The following MAPKAP1 variants were observed in gnomAD, a reference collection of about 807,000 sequenced individuals.
The protein encoded by MAPKAP1 is target of rapamycin complex 2 subunit MAPKAP1.
MAPKAP1 carries 20 observed loss-of-function variants against 65.7 expected under a neutral mutation model. That is an observed-to-expected ratio of 0.30 (90% CI 0.21 to 0.44). The LOEUF (loss-of-function observed/expected upper bound fraction) is 0.44. MAPKAP1 is among the 20% of genes least tolerant of loss of function. The pLI is 1.00. For missense variants in MAPKAP1, 423 were observed against 648.0 expected, an observed-to-expected ratio of 0.65 and a Z score of 3.77; for synonymous variants, 222 against 244.3, an observed-to-expected ratio of 0.91 and a Z score of 0.85.
chr9:125,522,429 T>A (rs1215476103), intron 7 of MAPKAP1, among the ~76,000 whole-genome samples: 1 of 152,260 alleles, frequency 6.6e-6, no homozygotes, highest in East Asian at 1.9e-4. Context: ...CTAGTCACTG[T>A]AGATATGAAG....
At chr9:125,669,387 G>A (rs1324642107) in intron 3 of MAPKAP1, among the ~76,000 whole-genome samples, 1 of 152,108 alleles carries the variant, frequency 6.6e-6, no homozygotes, top group Non-Finnish European at 1.5e-5. Flanking sequence ...CGTTGAGGCA[G>A]GAGAATCGCT....
chr9:125,458,777 A>T (rs199585325), intron 10 of MAPKAP1, among the ~76,000 whole-genome samples: 112 of 129,870 alleles, frequency 8.6e-4, no homozygotes, highest in East Asian at 1.9e-3. Flanking sequence ...GGCTCTTCAC[A>T]TCCCAGAAGG....
At chr9:125,679,944 T>A (rs1834771509) in intron 1 of MAPKAP1, among the ~76,000 whole-genome samples, 2 of 152,218 alleles carry the variant, frequency 1.3e-5, no homozygotes, top group Admixed American at 1.3e-4. Context: ...GCCCCATCAA[T>A]GTGCCATATA....
intron 10 of MAPKAP1, 48 bp downstream of exon 10, chr9:125,467,924 A>G: frequency 1.9e-6 from 3 of 1,599,024 alleles, no homozygotes; most frequent in Non-Finnish European, 2.6e-6. Flanking sequence ...ACAGAAGAGA[A>G]GAGAGGGGAA....
At chr9:125,604,965 C>G (rs1419114098) in intron 4 of MAPKAP1, among the ~76,000 whole-genome samples, 2 of 152,204 alleles carry the variant, frequency 1.3e-5, no homozygotes, top group Non-Finnish European at 2.9e-5. Flanking sequence ...AATAACACCA[C>G]AGCAAAACAA....
Position 125,559,432 on chromosome 9 carries a change from A to G in MAPKAP1, c.848+201T>C, listed in dbSNP as rs1830827854. On this transcript the variant is annotated intron_variant, in intron 6 of 11. Transcript: ENST00000265960. The stretch of plus-strand genomic sequence containing the variant: ...TGCTTCACACAATGTGCCACTGCAA[A>G]GCAGTCTGCGTAGCCTAGGTGCAGA... The G allele has an allele frequency of 1.3e-5, 6 of 478,466 alleles. No homozygotes were observed. In the Admixed American group the frequency reaches 1.8e-4, roughly 14 times the overall value. 29.6% of individuals were successfully genotyped at this position (478,466 alleles called of 1,614,324 possible).
intron 1 of MAPKAP1, among the ~76,000 whole-genome samples, chr9:125,674,863 G>A (rs912289318): frequency 1.3e-5 from 2 of 152,096 alleles, no homozygotes; most frequent in East Asian, 3.8e-4. Context: ...AATACAGACC[G>A]AGTACATCTC....
intron 3 of MAPKAP1, among the ~76,000 whole-genome samples, chr9:125,668,256 T>C (rs1834397333): frequency 6.6e-6 from 1 of 152,148 alleles, no homozygotes; most frequent in Admixed American, 6.5e-5. Flanking sequence ...CACACTTCCC[T>C]CCATGTTGGG....
chr9:125,650,372 C>T (rs1422932295), intron 4 of MAPKAP1: 6 of 152,188 alleles, frequency 3.9e-5, no homozygotes, highest in Non-Finnish European at 5.9e-5. Flanking sequence ...ACCCGGTCTT[C>T]CCCCAGAGCT....
chr9:125,454,323 G>A (rs1853079638), intron 10 of MAPKAP1, among the ~76,000 whole-genome samples: 1 of 152,162 alleles, frequency 6.6e-6, no homozygotes, highest in Admixed American at 6.5e-5. Flanking sequence ...TTCTGCATCC[G>A]GGAATTTCCT....
chr9:125,561,186 T>C (rs2131508538), intron 5 of MAPKAP1, among the ~76,000 whole-genome samples: 1 of 152,332 alleles, frequency 6.6e-6, no homozygotes, highest in Middle Eastern at 3.4e-3. Context: ...AATGAGTTGA[T>C]TTACCAAGTT....
chr9:125,455,595 G>GT lies in MAPKAP1; in HGVS notation c.1346-10998dup, dbSNP rs879327923. Among the ~76,000 whole-genome samples the GT allele has an allele frequency of 2.2e-3, 326 of 146,618 alleles. 3 individuals carry two copies. Among genetic ancestry groups the GT allele is most frequent in the East Asian group, 0.012 (63 of 5,086 alleles). ...TACAGATCTATTAATAAGAAGTGTA[G>GT]TTTTTTTTTTTTCCTTTGGTTGAGG... On this transcript the variant is annotated intron_variant, in intron 10 of 11. Transcript: ENST00000265960.
intron 3 of MAPKAP1, among the ~76,000 whole-genome samples, chr9:125,659,771 C>T (rs1241598750): frequency 1.3e-5 from 2 of 151,328 alleles, no homozygotes; most frequent in Non-Finnish European, 2.9e-5. Flanking sequence ...CTGGTTACTA[C>T]CATATTTTTC....
chr9:125,550,922 C>T (rs1830564371), intron 6 of MAPKAP1, among the ~76,000 whole-genome samples: 1 of 152,168 alleles, frequency 6.6e-6, no homozygotes, highest in African/African-American at 2.4e-5. Context: ...AGAACACAAG[C>T]ATCTTCTTTT....
chr9:125,465,498 T>C (rs528315054), intron 10 of MAPKAP1, among the ~76,000 whole-genome samples: 2 of 152,236 alleles, frequency 1.3e-5, no homozygotes, highest in Non-Finnish European at 2.9e-5. Flanking sequence ...ATGAAGATAC[T>C]GGAAATCATA....
intron 3 of MAPKAP1, among the ~76,000 whole-genome samples, chr9:125,659,955 C>T (rs1313629128): frequency 1.3e-5 from 2 of 152,176 alleles, no homozygotes; most frequent in African/African-American, 2.4e-5. Context: ...TAATCCTCAT[C>T]TTACAAGATG....
chr9:125,490,037 C>T (rs921123064), intron 8 of MAPKAP1, among the ~76,000 whole-genome samples: 5 of 152,208 alleles, frequency 3.3e-5, no homozygotes, highest in African/African-American at 1.2e-4. Flanking sequence ...CACACTCCTA[C>T]AGCAACAGCA....
intron 3 of MAPKAP1, 119 bp downstream of exon 3, chr9:125,669,699 A>C (rs1834442284): frequency 2.0e-6 from 1 of 505,532 alleles, no homozygotes; most frequent in Non-Finnish European, 3.4e-6. Flanking sequence ...CTCAAAGCTC[A>C]AAACACTAGA....
chr9:125,589,479 C>T (rs528070042), intron 4 of MAPKAP1, among the ~76,000 whole-genome samples: 1 of 152,288 alleles, frequency 6.6e-6, no homozygotes, highest in South Asian at 2.1e-4. Flanking sequence ...CCAGTGCCTG[C>T]CAGGACACGT....
Sources: gnomAD v4.1 joint callset for allele counts (sites outside exome capture counted in the v4.1 genomes callset) on GRCh38, gnomAD v4.1.1 for gene constraint, MANE v1.5 for transcripts, NCBI Gene and HGNC (gene_info 2026-07-23, HGNC 2026-07-21) for gene names.